The following ZNF563 variants were observed in gnomAD, a reference collection of about 807,000 sequenced individuals.
The protein encoded by ZNF563 is zinc finger protein 563.
Under a neutral mutation model 48.5 loss-of-function variants are expected in ZNF563, and 39 were observed. The ratio of observed to expected loss-of-function variants is 0.80; its 90% CI spans 0.62 to 1.05. ZNF563 has a LOEUF of 1.05. Ranked by LOEUF, ZNF563 falls within the 50% of genes least tolerant of loss-of-function variation. The pLI, the probability that ZNF563 is intolerant of heterozygous loss-of-function variation, is 0.00. For synonymous variants in ZNF563, 168 were observed against 187.9 expected, an observed-to-expected ratio of 0.89 and a Z score of 0.87; for missense variants, 538 against 597.0, an observed-to-expected ratio of 0.90 and a Z score of 1.03.
chr19:12,321,334 TA>T lies in ZNF563; in HGVS notation c.131-3del. On this transcript the variant is annotated splice_region_variant and splice_polypyrimidine_tract_variant and intron_variant, in intron 2 of 3. Coordinates refer to ENST00000293725, the MANE Select transcript of ZNF563 (RefSeq NM_145276.3). ...TATTCTGTTCTTCCCATATCATTCC[TA>T]AAAGGGAGACCCAGAAAATCACTAT... 3 of 1,543,728 alleles carry T rather than the reference TA, an allele frequency of 1.9e-6. No homozygotes were observed. Among genetic ancestry groups the T allele is most frequent in the South Asian group, 1.2e-5 (1 of 80,398 alleles).
the ZNF563 span, among the ~76,000 whole-genome samples, chr19:12,340,409 T>C: frequency 6.6e-6 from 1 of 151,982 alleles, no homozygotes; most frequent in Non-Finnish European, 1.5e-5. Context: ...GAGACTGAGG[T>C]AGGACCACTT....
At chr19:12,345,772 C>T in the ZNF563 span, among the ~76,000 whole-genome samples, 1 of 151,788 alleles carries the variant, frequency 6.6e-6, no homozygotes, top group South Asian at 2.1e-4. Flanking sequence ...TTTAGACAGG[C>T]GTGGTGGTGG....
At chr19:12,321,248 C>T in intron 3 of ZNF563, 24 bp downstream of exon 3, 1 of 1,521,556 alleles carries the variant, frequency 6.6e-7, no homozygotes, top group Non-Finnish European at 8.9e-7. Flanking sequence ...AGAAACATAA[C>T]TTTCTCCTGT....
chr19:12,334,990 T>C (rs1410109162), upstream of ZNF563, among the ~76,000 whole-genome samples: 1 of 152,028 alleles, frequency 6.6e-6, no homozygotes, highest in Non-Finnish European at 1.5e-5. Flanking sequence ...TGATTCTATG[T>C]GCAGCTTCGT....
the ZNF563 span, among the ~76,000 whole-genome samples, chr19:12,339,436 C>T: frequency 9.9e-5 from 15 of 151,942 alleles, no homozygotes; most frequent in South Asian, 2.5e-3. Context: ...CCCGCCACTA[C>T]GCCCGGCTAA....
Position 12,318,612 on chromosome 19 carries a change from G to T in ZNF563, c.1413C>A (p.His471Gln), listed in dbSNP as rs370462124. The T allele has an allele frequency of 3.7e-6, 6 of 1,613,344 alleles. No individual in the cohort carries two copies. The African/African-American group carries it at 6.7e-5, about 18-fold the overall frequency. The part of the protein sequence containing the change: ...PSVCQRHEKT[H>Q]WRETI ...TTTACATTCATATTGTTTCTCTCCA[G>T]TGAGTCTTTTCATGTCTTTGACATA... The change falls in exon 4 of 4, where the codon CAC becomes CAA. Residue 471 changes from histidine to glutamine, a missense_variant. Transcript: ENST00000293725.
the ZNF563 span, among the ~76,000 whole-genome samples, chr19:12,345,377 G>A: frequency 6.6e-6 from 1 of 152,126 alleles, no homozygotes; most frequent in African/African-American, 2.4e-5. Context: ...CTGGCATAAA[G>A]ACAAACAGAT....
rs1362488944 is a variant in ZNF563, at chr19:12,333,506, G to A, written c.-24C>T. 6.2e-7 allele frequency: 1 copy of A among 1,613,614 alleles called. No individual in the cohort carries two copies. Among genetic ancestry groups the A allele is most frequent in the South Asian group, 1.1e-5 (1 of 90,968 alleles). On this transcript the variant is annotated 5_prime_UTR_variant, in exon 1 of 4. Transcript: ENST00000293725. ...ATTTCCCGGCTTCCGGGATGTTCCAGGGTCCTCCCTCTGCCTCCCGCTGCC... is the reference window on the plus strand; with the variant it reads ...ATTTCCCGGCTTCCGGGATGTTCCAAGGTCCTCCCTCTGCCTCCCGCTGCC...
rs754609772 is a variant in ZNF563 at position 12,318,875 on chromosome 19, T to C, written c.1150A>G (p.Met384Val). Residue 384 changes from methionine to valine, a missense_variant, in exon 4 of 4, where the codon ATG (methionine) becomes GTG (valine). Coordinates refer to ENST00000293725, the MANE Select transcript of ZNF563 (RefSeq NM_145276.3). ...LSHSSSFRRH[M>V]IMHTGGGPHK... Reference sequence around the variant, plus strand: ...GGTCCACCTCCAGTGTGCATTATCATGTGTCTTCGAAAGCTTGAGCTATGA... The same window carrying C: ...GGTCCACCTCCAGTGTGCATTATCACGTGTCTTCGAAAGCTTGAGCTATGA... The C allele has an allele frequency of 3.1e-6, 5 of 1,614,084 alleles. No homozygotes were observed. The highest frequency in any genetic ancestry group is 2.2e-5 in the South Asian group (2 of 91,084).
the ZNF563 span, among the ~76,000 whole-genome samples, chr19:12,342,589 A>G: frequency 6.6e-6 from 1 of 151,510 alleles, no homozygotes; most frequent in Non-Finnish European, 1.5e-5. Context: ...CCTGGGCAAC[A>G]TAGTAAGACT....
chr19:12,323,324 T>C (rs1968684804), intron 1 of ZNF563, among the ~76,000 whole-genome samples: 1 of 152,198 alleles, frequency 6.6e-6, no homozygotes, highest in South Asian at 2.1e-4. Flanking sequence ...AAAACACATG[T>C]TGAAAGTTAA....
At position 12,321,328 on chromosome 19, in the gene ZNF563, C is replaced by A; in HGVS notation, c.135G>T (p.Met45Ile). Residue 45 changes from methionine to isoleucine, a missense_variant, in exon 3 of 4, where the codon ATG (methionine) becomes ATT (isoleucine). By Grantham distance (10) the Met-to-Ile change is conservative. Transcript: ENST00000293725. ...CTTCAGTATTCTGTTCTTCCCATAT[C>A]ATTCCTAAAAGGGAGACCCAGAAAA... ...ETIRNLDCIR[M>I]IWEEQNTEDQ... 1.3e-6 allele frequency: 2 copies of A among 1,549,172 alleles called. No homozygotes were observed. Among genetic ancestry groups the A allele is most frequent in the Non-Finnish European group, 1.7e-6 (2 of 1,152,264 alleles).
chr19:12,319,796 T>G lies in ZNF563; in HGVS notation c.229A>C (p.Ser77Arg), dbSNP rs752203175. ...CTAAATGTTTCTCCACACTGACTAC[T>G]GTCTTTACTTTCACTGAATCTCTCT... ...MVERFSESKD[S>R]SQCGETFSLI... Residue 77 changes from serine to arginine, a missense_variant, in exon 4 of 4, where the codon AGT (serine) becomes CGT (arginine). Transcript: ENST00000293725. The G allele has an allele frequency of 1.9e-6, 3 of 1,613,488 alleles. No individual in the cohort carries two copies. The African/African-American group carries it at 4.0e-5, about 22-fold the overall frequency.
chr19:12,325,488 G>C (rs1332212106), intron 1 of ZNF563, among the ~76,000 whole-genome samples: 2 of 129,646 alleles, frequency 1.5e-5, no homozygotes, highest in South Asian at 2.4e-4. Flanking sequence ...AAAAAAAAAA[G>C]ACATACATTA....
chr19:12,334,727 G>A (rs1486044406), upstream of ZNF563, among the ~76,000 whole-genome samples: 1 of 151,790 alleles, frequency 6.6e-6, no homozygotes, highest in African/African-American at 2.4e-5. Context: ...AAATTAGCTG[G>A]GCATGGTGGC....
rs777684371 is a variant in ZNF563 at position 12,319,484 on chromosome 19, G to C, written c.541C>G (p.Arg181Gly). 2 of 1,614,014 alleles carry C rather than the reference G, an allele frequency of 1.2e-6. No individual in the cohort carries two copies. Among genetic ancestry groups the C allele is most frequent in the African/African-American group, 2.7e-5 (2 of 74,904 alleles). ...ACCATGTGTCTTCGAAGGTTTCTACGAGAACTGAAGGTTTTTCCACATTCC... is the reference window on the plus strand; with the variant it reads ...ACCATGTGTCTTCGAAGGTTTCTACCAGAACTGAAGGTTTTTCCACATTCC... The part of the protein sequence containing the change: ...CKECGKTFSS[R>G]RNLRRHMVVQ... Residue 181 changes from arginine (R) to glycine (G), a missense_variant, in exon 4 of 4, where the codon CGT becomes GGT. Transcript: ENST00000293725.
chr19:12,319,932 CCT>C, intron 3 of ZNF563, 99 bp from the exon 4 acceptor site: 1 of 1,071,780 alleles, frequency 9.3e-7, no homozygotes, highest in South Asian at 1.6e-5. Flanking sequence ...TTTTTTTTTC[CCT>C]GAGATGGAGT....
In ZNF563 at chr19:12,321,281, C is replaced by T. The variant is rs750820271; in HGVS notation, c.182G>A (p.Arg61Lys). 143 of 1,575,546 alleles carry T rather than the reference C, an allele frequency of 9.1e-5. No homozygotes were observed. Among genetic ancestry groups the T allele is most frequent in the Admixed American group, 2.9e-4 (16 of 54,362 alleles). ...NTEDQYKNPRRNLRCHMVERF... is the reference protein window; with the variant it reads ...NTEDQYKNPRKNLRCHMVERF... ...TGTGAGTGCAAATTACCTTAGATTT[C>T]TCCTAGGATTTTTGTACTGATCTTC... Residue 61 changes from arginine to lysine, a missense_variant, in exon 3 of 4, where the codon AGA becomes AAA. Arg to Lys is a conservative substitution (Grantham distance 26). Transcript: ENST00000293725.
chr19:12,333,379 C>A, intron 1 of ZNF563, 101 bp downstream of exon 1: 1 of 1,515,146 alleles, frequency 6.6e-7, no homozygotes, highest in Non-Finnish European at 9.0e-7. Flanking sequence ...TCCCAGACCC[C>A]GGAGCTGACG....
Sources: gnomAD v4.1 joint callset for allele counts (sites outside exome capture counted in the v4.1 genomes callset) on GRCh38, gnomAD v4.1.1 for gene constraint, MANE v1.5 for transcripts, NCBI Gene and HGNC (gene_info 2026-07-23, HGNC 2026-07-21) for gene names.